The following CUX1 variants were observed in gnomAD, a reference collection of about 807,000 sequenced individuals.
The protein encoded by CUX1 is cut like homeobox 1, also known as protein CASP.
Under a neutral mutation model 158.8 loss-of-function variants are expected in CUX1, and 31 were observed. That is an observed-to-expected ratio of 0.20 (90% CI 0.15 to 0.26). CUX1 has a LOEUF of 0.26. Ranked by LOEUF, CUX1 falls within the 10% of genes least tolerant of loss-of-function variation. The probability of loss-of-function intolerance (pLI) is 1.00; values close to 1 mark genes in which losing one functional copy is unlikely to be tolerated. For synonymous variants in CUX1, 879 were observed against 862.1 expected, an observed-to-expected ratio of 1.02 and a Z score of -0.34; for missense variants, 1,589 against 2,014.6, an observed-to-expected ratio of 0.79 and a Z score of 4.04.
At chr7:101,912,567 T>G (rs556278808) in intron 1 of CUX1, among the ~76,000 whole-genome samples, 2 of 152,278 alleles carry the variant, frequency 1.3e-5, no homozygotes, top group East Asian at 1.9e-4. Context: ...ATACACACTA[T>G]GGAGTAAGTC....
chr7:101,936,443 C>T (rs971377160), intron 2 of CUX1, among the ~76,000 whole-genome samples: 20 of 152,076 alleles, frequency 1.3e-4, no homozygotes, highest in Admixed American at 1.3e-4. Context: ...GGATCCGGCA[C>T]TCGGGCTGGC....
At chr7:102,264,028 C>T (rs1247624883) in intron 14 of CUX1, among the ~76,000 whole-genome samples, 2 of 110,492 alleles carry the variant, frequency 1.8e-5, no homozygotes, top group South Asian at 3.0e-4. Context: ...TTTTTTGAGA[C>T]GGAGTCTTGC....
At chr7:101,913,533 C>T (rs936437173) in intron 1 of CUX1, 13 of 547,500 alleles carry the variant, frequency 2.4e-5, no homozygotes, top group Admixed American at 5.0e-5. Flanking sequence ...AGGTGGGGAC[C>T]GAGGGGGACG....
chr7:102,147,856 G>A (rs533875395), intron 8 of CUX1, among the ~76,000 whole-genome samples: 1 of 152,154 alleles, frequency 6.6e-6, no homozygotes, highest in Admixed American at 6.5e-5. Context: ...AAAATTAGCC[G>A]GGCATGGTGG....
intron 9 of CUX1, 77 bp downstream of exon 9, chr7:102,158,685 C>A: frequency 7.1e-7 from 1 of 1,415,100 alleles, no homozygotes; most frequent in Non-Finnish European, 1.0e-6. Flanking sequence ...ATGCGTCACC[C>A]GAAGTTAGAA....
At chr7:101,886,360 A>AT (rs920731301) in intron 1 of CUX1, among the ~76,000 whole-genome samples, 12 of 150,778 alleles carry the variant, frequency 8.0e-5, no homozygotes, top group Admixed American at 2.0e-4. Context: ...TGCCCAACTA[A>AT]TTTTTTTTTG....
At chr7:102,060,604 A>ACACACACACACACACAC in intron 3 of CUX1, among the ~76,000 whole-genome samples, 1 of 34,586 alleles carries the variant, frequency 2.9e-5, no homozygotes, top group East Asian at 7.8e-4. Context: ...CACACACACA[A>ACACACACACACACACAC]ATAAACACAC....
chr7:102,008,975 A>G (rs1817684798), intron 2 of CUX1, among the ~76,000 whole-genome samples: 1 of 152,046 alleles, frequency 6.6e-6, no homozygotes, highest in Admixed American at 6.6e-5. Flanking sequence ...ACAGCAGGGG[A>G]GAGAAGGGAG....
intron 2 of CUX1, among the ~76,000 whole-genome samples, chr7:101,923,990 G>A (rs1178081647): frequency 2.0e-5 from 3 of 152,214 alleles, no homozygotes; most frequent in Admixed American, 6.5e-5. Flanking sequence ...TCTTGAGATA[G>A]GACTTGGAAA....
chr7:101,837,123 A>G (rs1354797871), intron 1 of CUX1, among the ~76,000 whole-genome samples: 2 of 152,218 alleles, frequency 1.3e-5, no homozygotes, highest in Non-Finnish European at 2.9e-5. Context: ...ATGGACTTAC[A>G]GTGACATCTT....
chr7:102,254,448 C>G lies in CUX1; in HGVS notation c.*5406C>G. 1 of 985,522 alleles carries G rather than the reference C, an allele frequency of 1.0e-6. No individual in the cohort carries two copies. Among genetic ancestry groups the G allele is most frequent in the African/African-American group, 1.7e-5 (1 of 57,376 alleles). The allele number at this position is 985,522 out of a possible 1,614,324, so 61.0% of individuals were successfully genotyped here. The stretch of plus-strand genomic sequence containing the variant: ...ATGGCTTCCTCCAGCCTACACGCCC[C>G]GTCCACAGTGGCATCACCCTCTTAT... On this transcript the variant is annotated 3_prime_UTR_variant, in exon 24 of 24. Coordinates refer to ENST00000292535, the MANE Select transcript of CUX1 (RefSeq NM_181552.4).
intron 1 of CUX1, among the ~76,000 whole-genome samples, chr7:101,865,711 C>T (rs1797872886): frequency 6.6e-6 from 1 of 152,216 alleles, no homozygotes; most frequent in East Asian, 1.9e-4. Context: ...GAGATACTAG[C>T]ATGCTATTTA....
intron 1 of CUX1, among the ~76,000 whole-genome samples, chr7:101,868,406 G>A (rs1798144509): frequency 6.6e-6 from 1 of 152,136 alleles, no homozygotes. Flanking sequence ...GTGATGTGTT[G>A]GCATTTCCTG....
At chr7:101,900,259 G>T (rs2131735920) in intron 1 of CUX1, among the ~76,000 whole-genome samples, 1 of 152,328 alleles carries the variant, frequency 6.6e-6, no homozygotes, top group South Asian at 2.1e-4. Context: ...GGCACCAGGA[G>T]CTGTCATGTA....
chr7:101,910,865 T>C lies in CUX1; in HGVS notation c.31-5250T>C, dbSNP rs888273630. On this transcript the variant is annotated intron_variant, in intron 1 of 23. Coordinates refer to ENST00000292535, the MANE Select transcript of CUX1 (RefSeq NM_181552.4). ...CAGACAGCTGGTTACATGGTAGTTT[T>C]TTAATTTTGTTTTTAATAACATCTG... Among the ~76,000 whole-genome samples the C allele has an allele frequency of 2.0e-5, 3 of 152,350 alleles. No individual in the cohort carries two copies. In the East Asian group the frequency reaches 5.8e-4, roughly 29 times the overall value.
At chr7:101,832,914 G>A (rs924388060) in intron 1 of CUX1, among the ~76,000 whole-genome samples, 1 of 152,108 alleles carries the variant, frequency 6.6e-6, no homozygotes, top group Non-Finnish European at 1.5e-5. Context: ...GGAGGGGCCG[G>A]AGAGGGAGGT....
intron 2 of CUX1, among the ~76,000 whole-genome samples, chr7:102,006,433 AT>A (rs1817388170): frequency 1.3e-5 from 2 of 151,672 alleles, no homozygotes; most frequent in Non-Finnish European, 1.5e-5. Context: ...GTCTCGCGCT[AT>A]CACCCACGCT....
chr7:101,906,651 C>T (rs1802793988), intron 1 of CUX1, among the ~76,000 whole-genome samples: 1 of 152,156 alleles, frequency 6.6e-6, no homozygotes, highest in Non-Finnish European at 1.5e-5. Flanking sequence ...TAGGCCCCCA[C>T]TGCATGCCCT....
At chr7:101,977,056 G>A (rs763907912) in intron 2 of CUX1, among the ~76,000 whole-genome samples, 44 of 151,896 alleles carry the variant, frequency 2.9e-4, no homozygotes, top group Non-Finnish European at 5.4e-4. Flanking sequence ...GGGATTACAG[G>A]TGTGTACCAC....
Sources: allele counts gnomAD v4.1 joint callset (sites outside exome capture counted in the v4.1 genomes callset), GRCh38; gene constraint gnomAD v4.1.1; transcripts MANE v1.5; gene names NCBI Gene and HGNC (gene_info 2026-07-23, HGNC 2026-07-21).